Variants in MICAL2 observed in about 807,000 individuals in gnomAD.
The protein encoded by MICAL2 is [F-actin]-monooxygenase MICAL2.
MICAL2 carries 77 observed loss-of-function variants against 127.3 expected under a neutral mutation model. The ratio of observed to expected loss-of-function variants is 0.60; its 90% confidence interval spans 0.50 to 0.73. MICAL2 has a LOEUF of 0.73. Among genes scored for constraint, MICAL2 ranks in the 30% least tolerant of loss-of-function variants. The pLI is 0.00. For missense variants in MICAL2, 1,351 were observed against 1,434.4 expected (o/e 0.94, Z 0.94); for synonymous variants, 570 against 551.1 (o/e 1.03, Z -0.48).
intron 29 of MICAL2, among the ~76,000 whole-genome samples, chr11:12,309,159 A>G (rs367808735): frequency 3.9e-5 from 6 of 152,158 alleles, no homozygotes; most frequent in South Asian, 4.1e-4. Flanking sequence ...ATTTACTTCA[A>G]ACATTCATCT....
At chr11:12,352,883 G>C (rs1464246266) in intron 33 of MICAL2, among the ~76,000 whole-genome samples, 1 of 152,228 alleles carries the variant, frequency 6.6e-6, no homozygotes, top group Non-Finnish European at 1.5e-5. Flanking sequence ...GAACATCAGT[G>C]CAAAGACTGC....
chr11:12,195,140 C>T (rs1283929579), intron 3 of MICAL2, among the ~76,000 whole-genome samples: 3 of 151,934 alleles, frequency 2.0e-5, no homozygotes, highest in East Asian at 3.9e-4. Context: ...ATCTATAGTC[C>T]CAGCTACTAG....
chr11:12,320,357 GAA>G (rs1864279121), intron 30 of MICAL2, among the ~76,000 whole-genome samples: 1 of 152,158 alleles, frequency 6.6e-6, no homozygotes, highest in South Asian at 2.1e-4. Context: ...TGTTTTTGGA[GAA>G]CTCTTTAAAC....
downstream of MICAL2, among the ~76,000 whole-genome samples, chr11:12,291,634 C>T (rs188588800): frequency 5.3e-5 from 8 of 152,194 alleles, no homozygotes; most frequent in African/African-American, 7.2e-5. Context: ...AAATCTCAAA[C>T]GACTCTTCCT....
intron 13 of MICAL2, 104 bp from the exon 14 acceptor site, chr11:12,226,067 T>C: frequency 9.1e-7 from 1 of 1,102,878 alleles, no homozygotes. Context: ...TGCCGACACC[T>C]GGCAGAGTGT....
chr11:12,350,636 G>T (rs937754041), intron 33 of MICAL2, among the ~76,000 whole-genome samples: 6 of 152,108 alleles, frequency 3.9e-5, no homozygotes, highest in Admixed American at 2.0e-4. Context: ...TCCCTGCCTG[G>T]GTTCTGAGCC....
downstream of MICAL2, among the ~76,000 whole-genome samples, chr11:12,289,574 T>G (rs1414964816): frequency 6.7e-6 from 1 of 148,184 alleles, no homozygotes; most frequent in South Asian, 2.2e-4. Context: ...TTGTTTTTTT[T>G]TTTTTTCTTC....
chr11:12,243,213 A>T (rs1024691148), intron 20 of MICAL2: 1 of 154,172 alleles, frequency 6.5e-6, no homozygotes, highest in Non-Finnish European at 1.4e-5. Context: ...ATACTGAATG[A>T]TGAGGCCAAC....
intron 4 of MICAL2, among the ~76,000 whole-genome samples, 167 bp downstream of exon 4, chr11:12,204,624 G>A (rs562868920): frequency 6.6e-6 from 1 of 152,286 alleles, no homozygotes; most frequent in East Asian, 1.9e-4. Context: ...GCCTTGTTCT[G>A]GGCCCTGGGT....
At chr11:12,164,317 G>A (rs1313362990) in intron 3 of MICAL2, among the ~76,000 whole-genome samples, 1 of 152,168 alleles carries the variant, frequency 6.6e-6, no homozygotes, top group African/African-American at 2.4e-5. Flanking sequence ...GAAGAACAAA[G>A]ACATTTCACA....
At chr11:12,331,972 C>T (rs1362266626) in intron 32 of MICAL2, among the ~76,000 whole-genome samples, 5 of 152,064 alleles carry the variant, frequency 3.3e-5, no homozygotes, top group South Asian at 2.1e-4. Context: ...AGATTTAAGC[C>T]GGTTTCTCTA....
At chr11:12,347,765 A>G (rs1033413481) in intron 32 of MICAL2, among the ~76,000 whole-genome samples, 1 of 152,216 alleles carries the variant, frequency 6.6e-6, no homozygotes, top group African/African-American at 2.4e-5. Context: ...TATAGGTTAT[A>G]TGCAAATACA....
chr11:12,266,042 G>A (rs1433447226), downstream of MICAL2, among the ~76,000 whole-genome samples: 1 of 152,134 alleles, frequency 6.6e-6, no homozygotes. Context: ...AACCCAGGAG[G>A]CAGAGGTTGC....
chr11:12,128,767 G>A (rs1335020821), intron 1 of MICAL2, among the ~76,000 whole-genome samples: 1 of 152,220 alleles, frequency 6.6e-6, no homozygotes, highest in Non-Finnish European at 1.5e-5. Flanking sequence ...AGCCTGACAA[G>A]TTCAAATCCT....
chr11:12,216,435 T>A, intron 8 of MICAL2, 116 bp downstream of exon 8: 1 of 765,928 alleles, frequency 1.3e-6, no homozygotes, highest in Non-Finnish European at 2.2e-6. Flanking sequence ...GGGGGGAAGG[T>A]GCCACCAGCT....
intron 3 of MICAL2, among the ~76,000 whole-genome samples, chr11:12,170,183 C>T (rs994385736): frequency 1.3e-5 from 2 of 152,200 alleles, no homozygotes; most frequent in African/African-American, 4.8e-5. Context: ...GTCCCCATTT[C>T]TCACTCCTAT....
intron 5 of MICAL2, among the ~76,000 whole-genome samples, chr11:12,208,693 G>C (rs374967849): frequency 6.6e-5 from 10 of 152,150 alleles, no homozygotes; most frequent in Non-Finnish European, 1.0e-4. Context: ...TAGCATGTTT[G>C]TTTAAATTCT....
chr11:12,297,921 A>G (rs1864005295), intron 29 of MICAL2, among the ~76,000 whole-genome samples: 2 of 151,718 alleles, frequency 1.3e-5, no homozygotes, highest in Admixed American at 6.6e-5. Flanking sequence ...ATGTATTTAT[A>G]TATTTTTTTA....
At chr11:12,167,707 C>T (rs376713708) in intron 3 of MICAL2, among the ~76,000 whole-genome samples, 1 of 152,146 alleles carries the variant, frequency 6.6e-6, no homozygotes, top group African/African-American at 2.4e-5. Flanking sequence ...CTGGATTTGT[C>T]TGCTTACCTG....
Sources: gnomAD v4.1 joint callset for allele counts (sites outside exome capture counted in the v4.1 genomes callset) on GRCh38, gnomAD v4.1.1 for gene constraint, MANE v1.5 for transcripts, NCBI Gene and HGNC (gene_info 2026-07-23, HGNC 2026-07-21) for gene names.